Variants in MDGA2 observed in about 807,000 individuals in gnomAD.
The protein encoded by MDGA2 is MAM domain-containing glycosylphosphatidylinositol anchor protein 2.
In MDGA2, 40 loss-of-function variants were observed where a neutral mutation model predicts 117.8. The observed-to-expected ratio is 0.34, with a 90% CI of 0.26 to 0.44. The LOEUF (loss-of-function observed/expected upper bound fraction) is 0.44. Among genes scored for constraint, MDGA2 ranks in the 20% least tolerant of loss-of-function variants. The pLI is 1.00. For missense variants in MDGA2, 1,123 were observed against 1,250.6 expected, an observed-to-expected ratio of 0.90 and a Z score of 1.54; for synonymous variants, 452 against 439.0, an observed-to-expected ratio of 1.03 and a Z score of -0.37.
intron 3 of MDGA2, among the ~76,000 whole-genome samples, chr14:47,152,895 T>C (rs1035239049): frequency 6.6e-6 from 1 of 152,170 alleles, no homozygotes; most frequent in African/African-American, 2.4e-5. Context: ...TAAGTGCATA[T>C]GACTTTTATT....
At chr14:47,571,962 A>G (rs1018602028) in intron 1 of MDGA2, among the ~76,000 whole-genome samples, 1 of 152,222 alleles carries the variant, frequency 6.6e-6, no homozygotes, top group Non-Finnish European at 1.5e-5. Context: ...ATTCTTATGC[A>G]CACACATACA....
chr14:46,874,244 C>T (rs1882134126), intron 12 of MDGA2, 44 bp from the exon 13 acceptor site: 7 of 916,504 alleles, frequency 7.6e-6, no homozygotes, highest in Non-Finnish European at 1.0e-5. Context: ...TAAATTAATA[C>T]ACATACTGCA....
intron 1 of MDGA2, among the ~76,000 whole-genome samples, chr14:47,435,530 C>CA (rs1241822874): frequency 6.6e-6 from 1 of 152,100 alleles, no homozygotes; most frequent in East Asian, 1.9e-4. Flanking sequence ...ACAAAACCCT[C>CA]AACCCACATT....
chr14:47,405,970 C>T (rs1439276537), intron 1 of MDGA2, among the ~76,000 whole-genome samples: 1 of 152,088 alleles, frequency 6.6e-6, no homozygotes. Flanking sequence ...GCTTTTCAAT[C>T]ATTTTCAGTA....
rs557201077 is a variant in MDGA2, at chr14:47,176,547, G to C, written c.596-32273C>G. 8.9e-4 allele frequency among the ~76,000 whole-genome samples: 136 copies of C among 152,314 alleles called. 1 individual carries two copies. The highest frequency in any genetic ancestry group is 3.2e-3 in the African/African-American group (132 of 41,572). On this transcript the variant is annotated intron_variant, in intron 3 of 16. Transcript: ENST00000399232. ...ACAAACCTGAGAAAAACAAGCAATG[G>C]AGAAAGGATTCCCTATTTAATAAAT...
intron 1 of MDGA2, among the ~76,000 whole-genome samples, chr14:47,618,337 C>T (rs564595705): frequency 6.6e-6 from 1 of 152,284 alleles, no homozygotes; most frequent in African/African-American, 2.4e-5. Flanking sequence ...AGTTGGTAGG[C>T]ATTGTACCTC....
chr14:47,516,313 C>G (rs887469263), intron 1 of MDGA2, among the ~76,000 whole-genome samples: 1 of 152,106 alleles, frequency 6.6e-6, no homozygotes, highest in Non-Finnish European at 1.5e-5. Flanking sequence ...TTACAAATGA[C>G]CTGTAGCAGA....
At chr14:46,983,528 A>G (rs1382301797) in intron 8 of MDGA2, among the ~76,000 whole-genome samples, 6 of 152,128 alleles carry the variant, frequency 3.9e-5, no homozygotes, top group Non-Finnish European at 8.8e-5. Flanking sequence ...ATTCCTACCA[A>G]AAGTTGAGAT....
chr14:46,926,924 G>A (rs1884355477), intron 9 of MDGA2, among the ~76,000 whole-genome samples: 1 of 152,120 alleles, frequency 6.6e-6, no homozygotes, highest in African/African-American at 2.4e-5. Context: ...AAAAGTGATT[G>A]CGCATACTGC....
intron 1 of MDGA2, among the ~76,000 whole-genome samples, chr14:47,315,831 A>T (rs1889790988): frequency 6.6e-6 from 1 of 152,140 alleles, no homozygotes; most frequent in Non-Finnish European, 1.5e-5. Context: ...TCAAAATTTA[A>T]AGCAAAGAAA....
At chr14:47,556,684 G>A (rs1895688914) in intron 1 of MDGA2, among the ~76,000 whole-genome samples, 1 of 152,130 alleles carries the variant, frequency 6.6e-6, no homozygotes, top group African/African-American at 2.4e-5. Context: ...TACAGTTATT[G>A]TAAAATTATC....
intron 8 of MDGA2, among the ~76,000 whole-genome samples, chr14:47,016,590 T>C (rs1888091055): frequency 6.6e-6 from 1 of 152,134 alleles, no homozygotes; most frequent in Non-Finnish European, 1.5e-5. Context: ...AATATGCATA[T>C]ATGAGGAAAC....
At chr14:47,000,047 C>T (rs1250442423) in intron 8 of MDGA2, among the ~76,000 whole-genome samples, 2 of 151,700 alleles carry the variant, frequency 1.3e-5, no homozygotes, top group African/African-American at 4.8e-5. Context: ...TTACCCTTTA[C>T]AACTTTTAGT....
intron 1 of MDGA2, among the ~76,000 whole-genome samples, chr14:47,388,997 T>C (rs1223858983): frequency 1.3e-5 from 2 of 152,228 alleles, no homozygotes; most frequent in Non-Finnish European, 2.9e-5. Context: ...TATTTCTTAT[T>C]GATGTCTAAA....
chr14:47,035,436 G>T, intron 7 of MDGA2, 132 bp from the exon 8 acceptor site: 1 of 651,674 alleles, frequency 1.5e-6, no homozygotes, highest in Admixed American at 3.0e-5. Flanking sequence ...AAAAACCTTG[G>T]GAATAAATGG....
At chr14:47,111,743 G>A (rs1042447223) in intron 5 of MDGA2, among the ~76,000 whole-genome samples, 2 of 151,978 alleles carry the variant, frequency 1.3e-5, no homozygotes, top group East Asian at 3.9e-4. Flanking sequence ...AGTAGCAGTT[G>A]GTAATCTGCC....
chr14:47,352,269 A>G (rs1192400355), intron 1 of MDGA2, among the ~76,000 whole-genome samples: 2 of 152,180 alleles, frequency 1.3e-5, no homozygotes, highest in Non-Finnish European at 2.9e-5. Flanking sequence ...CTATCTCAGC[A>G]TAATTCTTCA....
At chr14:47,451,873 T>A (rs1893248395) in intron 1 of MDGA2, among the ~76,000 whole-genome samples, 1 of 152,104 alleles carries the variant, frequency 6.6e-6, no homozygotes. Context: ...AGAATTCCTT[T>A]GAAAGACTCA....
chr14:47,664,571 G>A (rs924898821), intron 1 of MDGA2, among the ~76,000 whole-genome samples: 17 of 152,216 alleles, frequency 1.1e-4, no homozygotes, highest in Admixed American at 1.1e-3. Context: ...TTTGCCTGAA[G>A]TAACACAGTA....
Sources: allele counts gnomAD v4.1 joint callset (sites outside exome capture counted in the v4.1 genomes callset), GRCh38; gene constraint gnomAD v4.1.1; transcripts MANE v1.5; gene names NCBI Gene and HGNC (gene_info 2026-07-23, HGNC 2026-07-21).